The following PANK1 variants were observed in gnomAD, a reference collection of about 807,000 sequenced individuals.
PANK1 encodes pantothenate kinase 1, also known as pantothenic acid kinase 1.
Under a neutral mutation model 40.1 loss-of-function variants are expected in PANK1, and 18 were observed. That is an observed-to-expected ratio of 0.45 (90% CI 0.31 to 0.67). PANK1 has a LOEUF of 0.67. Among genes scored for constraint, PANK1 ranks in the 30% least tolerant of loss-of-function variants. PANK1 has a pLI of 0.06. For synonymous variants in PANK1, 242 were observed against 237.7 expected (o/e 1.02, Z -0.17); for missense variants, 457 against 599.6 (o/e 0.76, Z 2.48).
At chr10:89,590,886 C>T (rs1844361004) in intron 5 of PANK1, among the ~76,000 whole-genome samples, 1 of 151,330 alleles carries the variant, frequency 6.6e-6, no homozygotes, top group Admixed American at 6.6e-5. Flanking sequence ...AGTATTTTAG[C>T]AAAAAAGAGG....
chr10:89,600,787 C>A (rs998567517), intron 2 of PANK1, among the ~76,000 whole-genome samples: 1 of 151,528 alleles, frequency 6.6e-6, no homozygotes, highest in Non-Finnish European at 1.5e-5. Flanking sequence ...TTTCCATGGA[C>A]CAAAGAAAGA....
chr10:89,621,712 T>C (rs1328736573), intron 1 of PANK1, among the ~76,000 whole-genome samples: 1 of 151,376 alleles, frequency 6.6e-6, no homozygotes, highest in Non-Finnish European at 1.5e-5. Flanking sequence ...TATTTACTTG[T>C]CTTTATTTTT....
rs11318817 is a variant in PANK1 at position 89,610,986 on chromosome 10, T to TAA, written c.645+708_645+709dup. Among the ~76,000 whole-genome samples the TAA allele has an allele frequency of 4.0e-5, 6 of 150,852 alleles. No individual in the cohort carries two copies. The East Asian group carries it at 5.8e-4, about 15-fold the overall frequency. On this transcript the variant is annotated intron_variant, in intron 2 of 6. Transcript: ENST00000307534. ...GAATGCACAGATGTTAAGGGAATGC[T>TAA]AAAAAAAAAAGAGAGAAACATTGGA...
At position 89,644,774 on chromosome 10, in the gene PANK1, C is replaced by A; in HGVS notation, c.118G>T (p.Val40Phe). Reference protein sequence around the residue: ...LLHNGFHPPPVQPPHVCSRGP... With the variant: ...LLHNGFHPPPFQPPHVCSRGP... ...CGGCTGCAGACGTGCGGCGGCTGGA[C>A]TGGCGGCGGATGGAAGCCGTTGTGC... Residue 40 changes from valine (V) to phenylalanine (F), a missense_variant, in exon 1 of 7, where the codon GTC (valine) becomes TTC (phenylalanine). Transcript: ENST00000307534. The A allele has an allele frequency of 6.7e-7, 1 of 1,500,834 alleles. No individual in the cohort carries two copies. Among genetic ancestry groups the A allele is most frequent in the Non-Finnish European group, 8.8e-7 (1 of 1,132,242 alleles). The allele number at this position is 1,500,834 out of a possible 1,614,324, so 93.0% of individuals were successfully genotyped here.
intron 1 of PANK1, chr10:89,643,658 A>G (rs1281636102): frequency 4.7e-6 from 7 of 1,478,822 alleles, no homozygotes; most frequent in South Asian, 2.3e-5. Flanking sequence ...CATAACCTCT[A>G]TGCAAATGCA....
chr10:89,596,215 T>C (rs184156917), intron 3 of PANK1, among the ~76,000 whole-genome samples: 1 of 152,304 alleles, frequency 6.6e-6, no homozygotes, highest in Admixed American at 6.5e-5. Flanking sequence ...TGTGTGTTTT[T>C]AGAAAGATGT....
At chr10:89,592,240 T>C (rs1003366932) in intron 5 of PANK1, among the ~76,000 whole-genome samples, 1 of 152,158 alleles carries the variant, frequency 6.6e-6, no homozygotes, top group African/African-American at 2.4e-5. Context: ...AAGGAGAGTA[T>C]GTTTTTTGTC....
In PANK1 at chr10:89,599,343, G is replaced by T; in HGVS notation, c.808C>A (p.Pro270Thr). 1 of 1,613,374 alleles carries T rather than the reference G, an allele frequency of 6.2e-7. No homozygotes were observed. Among genetic ancestry groups the T allele is most frequent in the Non-Finnish European group, 8.5e-7 (1 of 1,179,354 alleles). The change falls in exon 3 of 7, where the codon CCA (proline) becomes ACA (threonine). Residue 270 changes from proline to threonine, a missense_variant. Physicochemically the swap from Pro to Thr is conservative, Grantham distance 38 (BLOSUM62 -1). Around this residue, in one of 4 missense-constraint regions of PANK1, gnomAD observed 286 missense variants for 415.8 expected, o/e 0.69. Transcript: ENST00000307534. ...ATGTTAACCAGCAACATAGGGTATG[G>T]GTTATCAAGGCAGTACGGCTTTTTT... ...CQKKPYCLDN[P>T]YPMLLVNMGS...
At chr10:89,597,788 A>G (rs1211335594) in intron 3 of PANK1, among the ~76,000 whole-genome samples, 1 of 152,232 alleles carries the variant, frequency 6.6e-6, no homozygotes, top group Non-Finnish European at 1.5e-5. Context: ...AATTATGTTT[A>G]TCAAATCACT....
At position 89,596,527 on chromosome 10, in the gene PANK1, C is replaced by T. The variant is rs72816798; in HGVS notation, c.900-2538G>A. ...GCACTGCAGATAGGAGGAAAGAATGCATGGCTGCAGAAGAGCCAAATGTCT... is the reference window on the plus strand; with the variant it reads ...GCACTGCAGATAGGAGGAAAGAATGTATGGCTGCAGAAGAGCCAAATGTCT... On this transcript the variant is annotated intron_variant, in intron 3 of 6. Coordinates refer to ENST00000307534, the MANE Select transcript of PANK1 (RefSeq NM_148977.3). Among the ~76,000 whole-genome samples the T allele has an allele frequency of 9.9e-3, 1,513 of 152,306 alleles. 13 individuals are homozygous for T. The highest frequency in any genetic ancestry group is 0.016 in the Non-Finnish European group (1,100 of 68,020).
At position 89,645,035 on chromosome 10, in the gene PANK1, G is replaced by A. The variant is rs756401138; in HGVS notation, c.-144C>T. ...GCCGGCGCCTGGGGATGGCGAACCC[G>A]GCGCTCCTCCCCTCCTCCTGCCGAC... On this transcript the variant is annotated 5_prime_UTR_variant, in exon 1 of 7. Coordinates refer to ENST00000307534, the MANE Select transcript of PANK1 (RefSeq NM_148977.3). 2 of 1,565,686 alleles carry A rather than the reference G, an allele frequency of 1.3e-6. No individual in the cohort carries two copies. The highest frequency in any genetic ancestry group is 1.7e-6 in the Non-Finnish European group (2 of 1,160,102).
chr10:89,595,911 T>C (rs906923404), intron 3 of PANK1, among the ~76,000 whole-genome samples: 29 of 136,888 alleles, frequency 2.1e-4, no homozygotes, highest in Admixed American at 5.2e-4. Context: ...CACACACACA[T>C]ATATATATGA....
chr10:89,613,492 C>T (rs1352596686), intron 1 of PANK1, among the ~76,000 whole-genome samples: 1 of 152,130 alleles, frequency 6.6e-6, no homozygotes, highest in African/African-American at 2.4e-5. Flanking sequence ...TAAACAAAAT[C>T]TTCTTTCCTC....
intron 4 of PANK1, 118 bp downstream of exon 4, chr10:89,593,695 A>T: frequency 1.3e-6 from 1 of 747,888 alleles, no homozygotes; most frequent in Non-Finnish European, 2.3e-6. Context: ...GAGCTCTGAT[A>T]CAACAGGTAT....
Position 89,644,896 on chromosome 10 carries a change from G to C in PANK1, c.-5C>G. 6.6e-7 allele frequency: 1 copy of C among 1,517,024 alleles called. No individual in the cohort carries two copies. The highest frequency in any genetic ancestry group is 8.8e-7 in the Non-Finnish European group (1 of 1,137,260). The allele number at this position is 1,517,024 out of a possible 1,614,324, so 94.0% of individuals were successfully genotyped here. ...CTGCCCGCTGCGGTCGCCCATGCCG[G>C]GGGCTGGCGGGGCTGTGCGCGGGCC... On this transcript the variant is annotated 5_prime_UTR_variant, in exon 1 of 7. Transcript: ENST00000307534.
intron 1 of PANK1, among the ~76,000 whole-genome samples, chr10:89,640,365 C>T (rs1310487217): frequency 6.7e-6 from 1 of 149,944 alleles, no homozygotes; most frequent in African/African-American, 2.5e-5. Flanking sequence ...TCATCTACTA[C>T]TCTCAAATGT....
At chr10:89,623,007 G>C (rs1275174976) in intron 1 of PANK1, among the ~76,000 whole-genome samples, 1 of 152,050 alleles carries the variant, frequency 6.6e-6, no homozygotes, top group Non-Finnish European at 1.5e-5. Context: ...AATGATGTGA[G>C]ACAAATGTTC....
At chr10:89,617,523 G>A (rs1845356491) in intron 1 of PANK1, among the ~76,000 whole-genome samples, 1 of 152,224 alleles carries the variant, frequency 6.6e-6, no homozygotes, top group African/African-American at 2.4e-5. Flanking sequence ...AGTCCATTAA[G>A]TTGCACTTGT....
At position 89,583,732 on chromosome 10, in the gene PANK1, A is replaced by C. The variant is rs902336761; in HGVS notation, c.*674T>G. 1 of 152,182 alleles carries C rather than the reference A, an allele frequency of 6.6e-6. No individual in the cohort carries two copies. The highest frequency in any genetic ancestry group is 1.5e-5 in the Non-Finnish European group (1 of 68,032). 9.4% of individuals were successfully genotyped at this position (152,182 alleles called of 1,614,324 possible). On this transcript the variant is annotated 3_prime_UTR_variant, in exon 7 of 7. Transcript: ENST00000307534. ...TCACGGGCATTTTCAAGAGCTTTAG[A>C]TCTTGTGCTTAACTTTGTATTGAGC...
Sources: gnomAD v4.1 joint callset for allele counts (sites outside exome capture counted in the v4.1 genomes callset) on GRCh38, gnomAD v4.1.1 for gene constraint, gnomAD v4.1.1 regional missense constraint, MANE v1.5 for transcripts, NCBI Gene and HGNC (gene_info 2026-07-23, HGNC 2026-07-21) for gene names.